Variants in AADAC observed in about 807,000 individuals in gnomAD.
AADAC encodes arylacetamide deacetylase, also known as arylacetamide deacetylase (esterase).
Under a neutral mutation model 22.7 loss-of-function variants are expected in AADAC, and 17 were observed. The observed-to-expected ratio is 0.75, with a 90% CI of 0.51 to 1.12. The LOEUF is 1.12. Among genes scored for constraint, AADAC ranks in the 50% most tolerant of loss-of-function variants. The probability of loss-of-function intolerance (pLI) is 0.00; values close to 1 mark genes in which losing one functional copy is unlikely to be tolerated. For missense variants in AADAC, 465 were observed against 473.9 expected (o/e 0.98, Z 0.17); for synonymous variants, 167 against 176.3 (o/e 0.95, Z 0.42).
intron 3 of AADAC, among the ~76,000 whole-genome samples, 158 bp downstream of exon 3, chr3:151,820,610 CG>C (rs1716209609): frequency 7.0e-6 from 1 of 142,832 alleles, no homozygotes; most frequent in Non-Finnish European, 1.5e-5. Flanking sequence ...CTCCTCCTCC[CG>C]GGTTCAAGTG....
At chr3:151,820,519 T>TC in intron 3 of AADAC, 67 bp downstream of exon 3, 13 of 882,456 alleles carry the variant, frequency 1.5e-5, no homozygotes, top group African/African-American at 1.2e-4. Context: ...CAGCTTTCTT[T>TC]TTTTTTTTTT....
At chr3:151,820,511 GCTTT>G (rs1348834018) in intron 3 of AADAC, 59 bp downstream of exon 3, 4 of 639,204 alleles carry the variant, frequency 6.3e-6, no homozygotes, top group African/African-American at 2.6e-5. Flanking sequence ...GATTTTCTCA[GCTTT>G]CTTTTTTTTT....
intron 2 of AADAC, 109 bp from the exon 3 acceptor site, chr3:151,820,274 A>C: frequency 1.6e-6 from 1 of 634,400 alleles, no homozygotes; most frequent in Admixed American, 3.1e-5. Flanking sequence ...TTAAGGTAAA[A>C]TAGAACTGCC....
chr3:151,827,587 C>G lies in AADAC; in HGVS notation c.615C>G (p.Asp205Glu). The G allele has an allele frequency of 3.2e-6, 5 of 1,561,958 alleles. No homozygotes were observed. Among genetic ancestry groups the G allele is most frequent in the Non-Finnish European group, 4.3e-6 (5 of 1,153,780 alleles). The change falls in exon 5 of 5, where the codon GAC becomes GAG. Residue 205 changes from aspartate (D) to glutamate (E), a missense_variant. Asp to Glu is a conservative substitution (Grantham distance 45). Coordinates refer to ENST00000232892, the MANE Select transcript of AADAC (RefSeq NM_001086.3). ...ATCTTGCTTCTCAGCTCCTTGATGA[C>G]CCAGATGTCAAGATCAAACTCAAGA... ...AAAVTQQLLD[D>E]PDVKIKLKIQ...
chr3:151,824,251 G>A (rs747972460), intron 3 of AADAC, among the ~76,000 whole-genome samples: 51 of 151,940 alleles, frequency 3.4e-4, no homozygotes, highest in Non-Finnish European at 5.7e-4. Context: ...AAACAATAGA[G>A]TACTATACAG....
At chr3:151,817,085 TCCAGC>T (rs1716017712) in intron 1 of AADAC, among the ~76,000 whole-genome samples, 1 of 152,086 alleles carries the variant, frequency 6.6e-6, no homozygotes, top group Non-Finnish European at 1.5e-5. Flanking sequence ...ATCTTGTATT[TCCAGC>T]CCTTCTGAAA....
At chr3:151,820,091 A>G (rs1716172876) in intron 2 of AADAC, among the ~76,000 whole-genome samples, 1 of 151,972 alleles carries the variant, frequency 6.6e-6, no homozygotes, top group Non-Finnish European at 1.5e-5. Flanking sequence ...CAGTATACAC[A>G]GTTGGGTTAA....
At chr3:151,824,914 C>A in intron 4 of AADAC, 80 bp downstream of exon 4, 3 of 1,145,654 alleles carry the variant, frequency 2.6e-6, no homozygotes, top group Non-Finnish European at 2.3e-6. Context: ...ATATTGAATG[C>A]ATGTATTAAA....
intron 3 of AADAC, among the ~76,000 whole-genome samples, chr3:151,824,132 T>C (rs1274140364): frequency 6.6e-6 from 1 of 151,970 alleles, no homozygotes; most frequent in Non-Finnish European, 1.5e-5. Flanking sequence ...AATTTGACTA[T>C]TTTAGACACC....
Position 151,825,507 on chromosome 3 carries a change from G to A in AADAC, c.603+673G>A, listed in dbSNP as rs140290163. Among the ~76,000 whole-genome samples, 1,219 of 151,918 alleles carry A rather than the reference G, an allele frequency of 8.0e-3. 13 individuals carry two copies. Among genetic ancestry groups the A allele is most frequent in the African/African-American group, 0.028 (1,166 of 41,480 alleles). On this transcript the variant is annotated intron_variant, in intron 4 of 4. Transcript: ENST00000232892. ...CTATTACGCTATTAGAGATTCAGACGAATTCATATAATCTTCGATGGTGTA... is the reference window on the plus strand; with the variant it reads ...CTATTACGCTATTAGAGATTCAGACAAATTCATATAATCTTCGATGGTGTA...
At position 151,828,155 on chromosome 3, in the gene AADAC, C is replaced by A; in HGVS notation, c.1183C>A (p.Leu395Ile). Residue 395 changes from leucine to isoleucine, a missense_variant, in exon 5 of 5, where the codon CTA (leucine) becomes ATA (isoleucine). By Grantham distance (5) the Leu-to-Ile change is conservative. Transcript: ENST00000232892. Reference sequence around the variant, plus strand: ...ACTTATAAATCAGTATATTGAGTGGCTAAAGGAAAATCTATAGTAAAACAT... The same window carrying A: ...ACTTATAAATCAGTATATTGAGTGGATAAAGGAAAATCTATAGTAAAACAT... ...HRLINQYIEWLKENL is the reference protein window; with the variant it reads ...HRLINQYIEWIKENL 6.5e-7 allele frequency: 1 copy of A among 1,538,218 alleles called. No homozygotes were observed. Among genetic ancestry groups the A allele is most frequent in the East Asian group, 2.3e-5 (1 of 43,590 alleles).
chr3:151,815,630 TTATATA>T (rs902169772), intron 1 of AADAC, among the ~76,000 whole-genome samples: 2 of 151,854 alleles, frequency 1.3e-5, no homozygotes, highest in African/African-American at 4.8e-5. Flanking sequence ...ATTTAAGCAA[TTATATA>T]TATATTCTTC....
chr3:151,823,252 T>G (rs1716326777), intron 3 of AADAC, among the ~76,000 whole-genome samples: 1 of 151,138 alleles, frequency 6.6e-6, no homozygotes, highest in South Asian at 2.1e-4. Context: ...GACTCCAGCC[T>G]GGGCAACAGA....
chr3:151,821,743 A>G (rs1251286992), intron 3 of AADAC, among the ~76,000 whole-genome samples: 4 of 151,982 alleles, frequency 2.6e-5, no homozygotes, highest in African/African-American at 7.2e-5. Flanking sequence ...GCAATGACTA[A>G]TAAATCACTA....
At chr3:151,822,231 G>A (rs551542272) in intron 3 of AADAC, among the ~76,000 whole-genome samples, 1 of 152,018 alleles carries the variant, frequency 6.6e-6, no homozygotes, top group African/African-American at 2.4e-5. Flanking sequence ...TACTGCTGGT[G>A]GGAATAAACA....
At chr3:151,827,537 T>G (rs763445842) in intron 4 of AADAC, 39 bp from the exon 5 acceptor site, 5 of 1,086,250 alleles carry the variant, frequency 4.6e-6, no homozygotes, top group Non-Finnish European at 6.6e-6. Context: ...TTTATTGTTT[T>G]AAATGAAAAT....
intron 1 of AADAC, 139 bp from the exon 2 acceptor site, chr3:151,817,227 A>T: frequency 1.4e-6 from 1 of 706,938 alleles, no homozygotes. Context: ...TTCTTTTAAA[A>T]GGACCAAGCA....
intron 2 of AADAC, among the ~76,000 whole-genome samples, chr3:151,819,282 C>T (rs886514130): frequency 1.3e-5 from 2 of 151,698 alleles, no homozygotes; most frequent in Non-Finnish European, 2.9e-5. Context: ...AAGGTGAGAA[C>T]CTCAAGAAAG....
intron 4 of AADAC, among the ~76,000 whole-genome samples, chr3:151,825,077 A>T (rs886869561): frequency 1.3e-5 from 2 of 151,810 alleles, no homozygotes; most frequent in East Asian, 3.9e-4. Context: ...TAAATCATTC[A>T]TTTAAAATTA....
Sources: allele counts gnomAD v4.1 joint callset (sites outside exome capture counted in the v4.1 genomes callset), GRCh38; gene constraint gnomAD v4.1.1; transcripts MANE v1.5; gene names NCBI Gene and HGNC (gene_info 2026-07-23, HGNC 2026-07-21).